LINGO2: variants seen among roughly 807,000 people sequenced by gnomAD.
The protein encoded by LINGO2 is leucine rich repeat and Ig domain containing 2.
In LINGO2, 14 loss-of-function variants were observed where a neutral mutation model predicts 30.6. The observed-to-expected ratio is 0.46, with a 90% CI of 0.30 to 0.72. LINGO2 has a LOEUF of 0.72. LINGO2 is among the 30% of genes least tolerant of loss of function. LINGO2 has a pLI of 0.07. For missense variants in LINGO2, 729 were observed against 751.7 expected (o/e 0.97, Z 0.35); for synonymous variants, 317 against 288.5 (o/e 1.10, Z -1.00).
At chr9:28,405,375 T>C (rs1822459886) in intron 2 of LINGO2, among the ~76,000 whole-genome samples, 3 of 152,174 alleles carry the variant, frequency 2.0e-5, no homozygotes, top group African/African-American at 7.2e-5. Context: ...TAGTTAACTC[T>C]AAAACTGTGT....
chr9:28,145,320 T>C lies in LINGO2; in HGVS notation c.-86-132915A>G, dbSNP rs182852398. On this transcript the variant is annotated intron_variant, in intron 4 of 5. Coordinates refer to ENST00000379992, the Ensembl canonical transcript of LINGO2. The stretch of plus-strand genomic sequence containing the variant: ...TTCTGACACATGGGATAATTTGTAG[T>C]CTAAACTATGAGGTACTATGAATTT... Among the ~76,000 whole-genome samples, 833 of 152,300 alleles carry C rather than the reference T, an allele frequency of 5.5e-3. 4 individuals carry two copies. Among genetic ancestry groups the C allele is most frequent in the Admixed American group, 0.014 (209 of 15,298 alleles).
the LINGO2 span, among the ~76,000 whole-genome samples, chr9:28,999,716 A>G: frequency 2.6e-5 from 4 of 152,066 alleles, no homozygotes; most frequent in African/African-American, 9.7e-5. Context: ...GTCCATGGTT[A>G]GGAAAAAATA....
chr9:28,711,020 G>T, the LINGO2 span, among the ~76,000 whole-genome samples: 1 of 151,890 alleles, frequency 6.6e-6, no homozygotes, highest in Admixed American at 6.6e-5. Context: ...TTTTGATACT[G>T]GCCCCAGCAT....
At chr9:28,796,353 A>G in the LINGO2 span, among the ~76,000 whole-genome samples, 1 of 152,116 alleles carries the variant, frequency 6.6e-6, no homozygotes, top group African/African-American at 2.4e-5. Context: ...GACCTATAAA[A>G]TCTTCAAAGA....
chr9:28,833,331 C>A, the LINGO2 span, among the ~76,000 whole-genome samples: 7 of 152,144 alleles, frequency 4.6e-5, no homozygotes, highest in African/African-American at 1.7e-4. Flanking sequence ...TAGAAGATAT[C>A]CTTCATGATC....
At chr9:28,060,594 A>G (rs1384866002) in intron 4 of LINGO2, among the ~76,000 whole-genome samples, 1 of 152,148 alleles carries the variant, frequency 6.6e-6, no homozygotes, top group Non-Finnish European at 1.5e-5. Flanking sequence ...AGCTTGAACT[A>G]ATTATTATTA....
the LINGO2 span, among the ~76,000 whole-genome samples, chr9:28,873,143 C>T: frequency 2.6e-5 from 4 of 151,870 alleles, no homozygotes; most frequent in East Asian, 1.9e-4. Context: ...CCGAGGTGGG[C>T]GGATCACTTG....
chr9:28,313,689 C>G (rs954718700), intron 3 of LINGO2, among the ~76,000 whole-genome samples: 6 of 152,070 alleles, frequency 3.9e-5, no homozygotes. Flanking sequence ...AGTTGCTTCT[C>G]GAGTTCAAGC....
At chr9:28,240,799 C>T (rs1821756003) in intron 4 of LINGO2, among the ~76,000 whole-genome samples, 1 of 152,054 alleles carries the variant, frequency 6.6e-6, no homozygotes. Context: ...AATGGGATCA[C>T]ATCAAGTTTA....
chr9:28,476,811 T>C (rs890189770), intron 1 of LINGO2, among the ~76,000 whole-genome samples: 5 of 152,242 alleles, frequency 3.3e-5, no homozygotes, highest in Admixed American at 1.3e-4. Context: ...TTGTCGTTTA[T>C]GTATTTAATA....
At position 28,443,675 on chromosome 9, in the gene LINGO2, G is replaced by A. The variant is rs568591929; in HGVS notation, c.-279+32265C>T. Reference sequence around the variant, plus strand: ...CTGACATGCCAGCCCCTGCTACCTTGGCCCCCTCTGGACTTTGGGTGCCAA... The same window carrying A: ...CTGACATGCCAGCCCCTGCTACCTTAGCCCCCTCTGGACTTTGGGTGCCAA... On this transcript the variant is annotated intron_variant, in intron 2 of 5. Coordinates refer to ENST00000379992, the Ensembl canonical transcript of LINGO2. Among the ~76,000 whole-genome samples the A allele has an allele frequency of 3.3e-3, 509 of 152,310 alleles. 3 individuals carry two copies. The highest frequency in any genetic ancestry group is 6.2e-3 in the Non-Finnish European group (423 of 68,030).
chr9:29,012,361 A>G, the LINGO2 span, among the ~76,000 whole-genome samples: 1 of 152,122 alleles, frequency 6.6e-6, no homozygotes, highest in Admixed American at 6.6e-5. Flanking sequence ...CCATCTCAAA[A>G]AAAAAAATTA....
the LINGO2 span, among the ~76,000 whole-genome samples, chr9:29,021,566 A>C: frequency 1.9e-4 from 29 of 152,188 alleles, no homozygotes; most frequent in African/African-American, 6.7e-4. Flanking sequence ...CTGAGGCAGG[A>C]GAATTGCTTG....
chr9:27,971,420 C>A (rs1028684679), intron 5 of LINGO2, among the ~76,000 whole-genome samples: 1 of 152,150 alleles, frequency 6.6e-6, no homozygotes, highest in Non-Finnish European at 1.5e-5. Context: ...TCTGCTCCAT[C>A]GCCCAGGCTG....
At chr9:28,538,641 G>A (rs570212804) in intron 1 of LINGO2, among the ~76,000 whole-genome samples, 1 of 152,244 alleles carries the variant, frequency 6.6e-6, no homozygotes, top group Admixed American at 6.5e-5. Context: ...CCAAGTTTAA[G>A]GTTCTGGCAT....
the LINGO2 span, among the ~76,000 whole-genome samples, chr9:29,131,603 C>A: frequency 6.6e-6 from 1 of 151,938 alleles, no homozygotes; most frequent in Non-Finnish European, 1.5e-5. Flanking sequence ...CATTTGGGAC[C>A]CAGTATTAAT....
intron 1 of LINGO2, among the ~76,000 whole-genome samples, chr9:28,632,936 T>C (rs1827070621): frequency 6.9e-6 from 1 of 144,974 alleles, no homozygotes; most frequent in Admixed American, 7.1e-5. Flanking sequence ...TATTAACTTA[T>C]ATGCTCACAA....
intron 4 of LINGO2, among the ~76,000 whole-genome samples, chr9:28,169,072 C>T (rs531164255): frequency 4.0e-4 from 61 of 152,282 alleles, no homozygotes; most frequent in African/African-American, 1.5e-3. Flanking sequence ...CACACACACA[C>T]AAAAGCCACC....
At chr9:28,827,573 C>T in the LINGO2 span, among the ~76,000 whole-genome samples, 1 of 152,024 alleles carries the variant, frequency 6.6e-6, no homozygotes, top group Non-Finnish European at 1.5e-5. Flanking sequence ...ACAAATGATA[C>T]ATATTAGTAC....
Sources: gnomAD v4.1 joint callset for allele counts (sites outside exome capture counted in the v4.1 genomes callset) on GRCh38, gnomAD v4.1.1 for gene constraint, MANE v1.5 for transcripts, NCBI Gene and HGNC (gene_info 2026-07-23, HGNC 2026-07-21) for gene names.